The following CCDC158 variants were observed in gnomAD, a reference collection of about 807,000 sequenced individuals.
The protein encoded by CCDC158 is coiled-coil domain-containing protein 158.
A neutral mutation model predicts 138.6 loss-of-function variants in CCDC158; 116 were observed. The observed-to-expected ratio is 0.84, with a 90% confidence interval of 0.72 to 0.98. CCDC158 has a LOEUF of 0.98. CCDC158 is among the 50% of genes least tolerant of loss of function. CCDC158 has a pLI of 0.00. For missense variants in CCDC158, 1,265 were observed against 1,306.1 expected, an observed-to-expected ratio of 0.97 and a Z score of 0.48; for synonymous variants, 436 against 442.4, an observed-to-expected ratio of 0.99 and a Z score of 0.18.
intron 9 of CCDC158, among the ~76,000 whole-genome samples, chr4:76,374,179 G>T (rs758908160): frequency 3.4e-4 from 51 of 152,080 alleles, no homozygotes; most frequent in Non-Finnish European, 4.4e-5. Context: ...AGTACTTCTT[G>T]TGCTCCTTTT....
At chr4:76,356,125 T>G (rs1270377684) in intron 14 of CCDC158, among the ~76,000 whole-genome samples, 1 of 152,014 alleles carries the variant, frequency 6.6e-6, no homozygotes, top group Non-Finnish European at 1.5e-5. Flanking sequence ...GGCTATAACT[T>G]AGAGGTTAAA....
chr4:76,334,987 A>T lies in CCDC158; in HGVS notation c.2665-820T>A, dbSNP rs550042006. Among the ~76,000 whole-genome samples the T allele has an allele frequency of 6.9e-4, 105 of 152,234 alleles. 1 individual carries two copies. The highest frequency in any genetic ancestry group is 1.2e-3 in the Non-Finnish European group (79 of 68,020). ...TAATTCTCATATTCTCCTCTTCTCAACTCCACTAATAAACCAATATAATAT... is the reference window on the plus strand; with the variant it reads ...TAATTCTCATATTCTCCTCTTCTCATCTCCACTAATAAACCAATATAATAT... On this transcript the variant is annotated intron_variant, in intron 18 of 24. Coordinates refer to ENST00000682701, the MANE Select transcript of CCDC158 (RefSeq NM_001394954.1).
intron 18 of CCDC158, among the ~76,000 whole-genome samples, chr4:76,335,727 T>C (rs1381047321): frequency 6.6e-6 from 1 of 152,132 alleles, no homozygotes; most frequent in East Asian, 1.9e-4. Flanking sequence ...ACTACAGGCC[T>C]GCACCACCAT....
chr4:76,336,751 C>T (rs1292409259), intron 18 of CCDC158, among the ~76,000 whole-genome samples: 1 of 152,210 alleles, frequency 6.6e-6, no homozygotes, highest in African/African-American at 2.4e-5. Context: ...CTGACACACA[C>T]CTCAAGCTAA....
chr4:76,314,488 G>T (rs1234580686), intron 24 of CCDC158, among the ~76,000 whole-genome samples: 1 of 152,122 alleles, frequency 6.6e-6, no homozygotes, highest in Non-Finnish European at 1.5e-5. Context: ...AAAACCAAAA[G>T]AATTTACAGA....
rs141979375 is a variant in CCDC158 at position 76,395,612 on chromosome 4, G to A, written c.288+657C>T. Among the ~76,000 whole-genome samples, 21 of 152,216 alleles carry A rather than the reference G, an allele frequency of 1.4e-4. No individual in the cohort carries two copies. In the East Asian group the frequency reaches 2.9e-3, roughly 21 times the overall value. ...CAAAGGCATGCAGGTCTGGAATAGC[G>A]CAGTATATCTAGGGAAGAGCAAGTG... On this transcript the variant is annotated intron_variant, in intron 4 of 24. Coordinates refer to ENST00000682701, the MANE Select transcript of CCDC158 (RefSeq NM_001394954.1).
intron 13 of CCDC158, among the ~76,000 whole-genome samples, chr4:76,361,309 T>C (rs746275136): frequency 6.6e-4 from 101 of 152,326 alleles, no homozygotes; most frequent in Admixed American, 1.1e-3. Context: ...ATGCCTGTAA[T>C]CCCAGCACTT....
At chr4:76,392,007 C>A (rs777821234) in intron 4 of CCDC158, among the ~76,000 whole-genome samples, 1 of 151,464 alleles carries the variant, frequency 6.6e-6, no homozygotes. Flanking sequence ...TAAAGAAAAG[C>A]CCAGGACCTG....
intron 18 of CCDC158, among the ~76,000 whole-genome samples, chr4:76,344,103 C>T (rs948155765): frequency 1.3e-5 from 2 of 152,074 alleles, no homozygotes; most frequent in African/African-American, 4.8e-5. Context: ...ATTTAGAAAA[C>T]CCTATCGCCT....
rs5859510 is a variant in CCDC158, at chr4:76,367,894, C to CT, written c.1348-119dup. On this transcript the variant is annotated intron_variant, in intron 11 of 24. Coordinates refer to ENST00000682701, the MANE Select transcript of CCDC158 (RefSeq NM_001394954.1). Reference sequence around the variant, plus strand: ...TGAATTAGGCAATGTTTAGTAAGATCTTTTTTTTTTTTTTTAAGAGATGGG... The same window carrying CT: ...TGAATTAGGCAATGTTTAGTAAGATCTTTTTTTTTTTTTTTTAAGAGATGGG... The CT allele has an allele frequency of 8.1e-3, 5,527 of 684,678 alleles. 147 individuals are homozygous for CT. Among genetic ancestry groups the CT allele is most frequent in the African/African-American group, 0.08 (4,243 of 53,056 alleles). The allele number at this position is 684,678 out of a possible 1,614,324, so 42.4% of individuals were successfully genotyped here.
intron 18 of CCDC158, among the ~76,000 whole-genome samples, chr4:76,338,394 C>T (rs888148333): frequency 1.3e-5 from 2 of 152,130 alleles, no homozygotes; most frequent in African/African-American, 2.4e-5. Context: ...TGCCTGTAGT[C>T]CCAGCTACTC....
In CCDC158 at chr4:76,351,029, T is replaced by C. The variant is rs1191677244; in HGVS notation, c.2631A>G (p.Pro877=). Reference sequence around the variant, plus strand: ...GGAAGCTGGCTGTAGACTGCGAAGATGGTACATTAGAATGAGAACGAGTAA... The same window carrying C: ...GGAAGCTGGCTGTAGACTGCGAAGACGGTACATTAGAATGAGAACGAGTAA... ...ASVTRSHSNV[P]SSQSTASFLS... is the part of the protein sequence containing the mutation. The change falls in exon 18 of 25, where the codon CCA becomes CCG. Residue 877 remains proline, a synonymous_variant. Transcript: ENST00000682701. 1 of 1,613,928 alleles carries C rather than the reference T, an allele frequency of 6.2e-7. No individual in the cohort carries two copies. The highest frequency in any genetic ancestry group is 2.2e-5 in the East Asian group (1 of 44,852).
At chr4:76,324,196 CTTT>C (rs764232084) in intron 23 of CCDC158, among the ~76,000 whole-genome samples, 9 of 136,574 alleles carry the variant, frequency 6.6e-5, no homozygotes, top group Admixed American at 1.5e-4. Flanking sequence ...TGGAGAGTTT[CTTT>C]TTTTTTTTTT....
chr4:76,347,600 T>C (rs1722680852), intron 18 of CCDC158, among the ~76,000 whole-genome samples: 1 of 152,094 alleles, frequency 6.6e-6, no homozygotes, highest in African/African-American at 2.4e-5. Context: ...GAGAAATACC[T>C]AATGTAGATG....
chr4:76,364,946 G>A (rs1724513960), intron 12 of CCDC158, among the ~76,000 whole-genome samples: 2 of 152,192 alleles, frequency 1.3e-5, no homozygotes, highest in South Asian at 2.1e-4. Flanking sequence ...TGGGCTATCT[G>A]ATCTCTGCCT....
At chr4:76,325,773 A>C in intron 23 of CCDC158, 84 bp downstream of exon 23, 1 of 1,223,392 alleles carries the variant, frequency 8.2e-7, no homozygotes, top group East Asian at 2.4e-5. Flanking sequence ...AGCATGCAAA[A>C]CCTTAATTCT....
intron 23 of CCDC158, among the ~76,000 whole-genome samples, chr4:76,324,932 T>A (rs60146783): frequency 0.023 from 3,575 of 152,286 alleles, 138 homozygotes; most frequent in African/African-American, 0.081. Flanking sequence ...ATGGCTCCAA[T>A]CTTAAGTCCC....
chr4:76,416,170 C>T (rs1301429169), intron 1 of CCDC158, among the ~76,000 whole-genome samples: 1 of 152,120 alleles, frequency 6.6e-6, no homozygotes, highest in Non-Finnish European at 1.5e-5. Flanking sequence ...GCCTCAGCTG[C>T]CAGGCAGGGA....
At chr4:76,355,175 C>CTT (rs943238988) in intron 15 of CCDC158, 149 bp downstream of exon 15, 1 of 591,664 alleles carries the variant, frequency 1.7e-6, no homozygotes, top group Non-Finnish European at 3.0e-6. Flanking sequence ...TGCTCAAATG[C>CTT]TTTTCTAGGA....
Sources: gnomAD v4.1 joint callset for allele counts (sites outside exome capture counted in the v4.1 genomes callset) on GRCh38, gnomAD v4.1.1 for gene constraint, MANE v1.5 for transcripts, NCBI Gene and HGNC (gene_info 2026-07-23, HGNC 2026-07-21) for gene names.